The following MAP3K8 variants were observed in gnomAD, a reference collection of about 807,000 sequenced individuals.
MAP3K8 encodes the protein mitogen-activated protein kinase kinase kinase 8.
In MAP3K8, 22 loss-of-function variants were observed where a neutral mutation model predicts 45.8. The observed-to-expected ratio is 0.48, with a 90% CI of 0.34 to 0.69. The LOEUF is 0.69. Ranked by LOEUF, MAP3K8 falls within the 30% of genes least tolerant of loss-of-function variation. MAP3K8 has a pLI of 0.01. For synonymous variants in MAP3K8, 223 were observed against 214.3 expected, an observed-to-expected ratio of 1.04 and a Z score of -0.36; for missense variants, 419 against 585.0, an observed-to-expected ratio of 0.72 and a Z score of 2.93.
At chr10:30,438,734 TCTTA>T in intron 2 of MAP3K8, 178 bp from the exon 3 acceptor site, 2 of 506,866 alleles carry the variant, frequency 3.9e-6, no homozygotes, top group East Asian at 6.5e-5. Context: ...CTAAAGGTTA[TCTTA>T]GGTCCCTTTC....
At chr10:30,450,237 G>T (rs373916454) in intron 4 of MAP3K8, 21 bp from the exon 5 acceptor site, 20 of 1,559,852 alleles carry the variant, frequency 1.3e-5, no homozygotes, top group Non-Finnish European at 1.6e-5. Flanking sequence ...TTAGAATCTC[G>T]CTTGTATTTT....
At chr10:30,445,825 G>A (rs1057290185) in intron 3 of MAP3K8, among the ~76,000 whole-genome samples, 1 of 152,226 alleles carries the variant, frequency 6.6e-6, no homozygotes, top group Admixed American at 6.5e-5. Context: ...ATTAGAGTTA[G>A]TCTCTGCTTT....
intron 6 of MAP3K8, among the ~76,000 whole-genome samples, chr10:30,455,044 G>T (rs1836689662): frequency 6.6e-6 from 1 of 152,178 alleles, no homozygotes; most frequent in African/African-American, 2.4e-5. Flanking sequence ...TTCTGGGGCT[G>T]TCTAGCGGAA....
Position 30,460,764 on chromosome 10 carries a change from C to G in MAP3K8, c.1332C>G (p.Leu444=). 6.2e-7 allele frequency: 1 copy of G among 1,614,050 alleles called. No individual in the cohort carries two copies. Among genetic ancestry groups the G allele is most frequent in the Non-Finnish European group, 8.5e-7 (1 of 1,179,976 alleles). Residue 444 remains leucine (L), a synonymous_variant, in exon 9 of 9, where the codon CTC becomes CTG. Transcript: ENST00000263056. ...AGATGCTCAAGAGGCAACGCTCTCT[C>G]TACATCGACCTCGGCGCTCTGGCTG... The part of the protein sequence containing the change: ...ESEMLKRQRS[L]YIDLGALAGY...
intron 6 of MAP3K8, among the ~76,000 whole-genome samples, chr10:30,455,972 A>G (rs1325747174): frequency 6.6e-6 from 1 of 152,216 alleles, no homozygotes; most frequent in Admixed American, 6.5e-5. Flanking sequence ...GGCAGCACCC[A>G]GGCCACCAGG....
chr10:30,445,455 C>A (rs934905788), intron 3 of MAP3K8, among the ~76,000 whole-genome samples: 6 of 152,154 alleles, frequency 3.9e-5, no homozygotes, highest in Admixed American at 2.6e-4. Context: ...TGGGTTATAA[C>A]AAATTTAGGT....
At chr10:30,444,999 A>G (rs149959402) in intron 3 of MAP3K8, among the ~76,000 whole-genome samples, 1 of 152,230 alleles carries the variant, frequency 6.6e-6, no homozygotes, top group Non-Finnish European at 1.5e-5. Flanking sequence ...GACTTCGATG[A>G]GATAATGTAT....
Position 30,448,414 on chromosome 10 carries a change from T to TTTTTTATTATTATTATTATTA in MAP3K8, c.504+467_504+468insTTTATTATTATTATTATTATT, listed in dbSNP as rs34801475. On this transcript the variant is annotated intron_variant, in intron 4 of 8. Transcript: ENST00000263056. ...ATGATTGAAAAGACCCTATCCCAAA[T>TTTTTTATTATTATTATTATTA]TTATTATTATTATTATTATTATTAT... is the stretch of plus-strand genomic sequence containing the variant. Among the ~76,000 whole-genome samples the TTTTTTATTATTATTATTATTA allele has an allele frequency of 7.6e-3, 1,038 of 136,430 alleles. 6 individuals are homozygous for TTTTTTATTATTATTATTATTA. The highest frequency in any genetic ancestry group is 0.022 in the Middle Eastern group (6 of 274). 89.5% of individuals were successfully genotyped at this position (136,430 alleles called of 152,430 possible).
chr10:30,441,188 G>A (rs1043990431), intron 3 of MAP3K8, among the ~76,000 whole-genome samples: 3 of 149,194 alleles, frequency 2.0e-5, no homozygotes, highest in Non-Finnish European at 4.4e-5. Context: ...ACAGAGTCTC[G>A]CTCTGTCACC....
chr10:30,457,814 T>A (rs1836789078), intron 6 of MAP3K8, among the ~76,000 whole-genome samples: 1 of 152,028 alleles, frequency 6.6e-6, no homozygotes, highest in Admixed American at 6.6e-5. Flanking sequence ...GCCCAGCTGA[T>A]TTTTGTATTT....
chr10:30,456,485 T>C (rs529133067), intron 6 of MAP3K8, among the ~76,000 whole-genome samples: 1 of 152,068 alleles, frequency 6.6e-6, no homozygotes, highest in Non-Finnish European at 1.5e-5. Flanking sequence ...GTTTCTCTGG[T>C]TTTTGTAAGC....
intron 2 of MAP3K8, 31 bp from the exon 3 acceptor site, chr10:30,438,885 G>A (rs550846611): frequency 6.0e-5 from 73 of 1,218,812 alleles, no homozygotes; most frequent in African/African-American, 4.4e-4. Context: ...TACAAATATC[G>A]TAAACTAAAT....
rs117396201 is a variant in MAP3K8 at position 30,439,113 on chromosome 10, C to T, written c.175C>T (p.Arg59Cys). Residue 59 changes from arginine to cysteine, a missense_variant, in exon 3 of 9, where the codon CGT becomes TGT. Transcript: ENST00000263056. Reference protein sequence around the residue: ...MCQDSNQNDERSKSLLLSGQE... With the variant: ...MCQDSNQNDECSKSLLLSGQE... ...TCAAGACAGTAATCAAAACGATGAG[C>T]GTTCTAAGTCTCTGCTGCTTAGTGG... The T allele has an allele frequency of 8.0e-4, 1,299 of 1,614,200 alleles. 26 individuals are homozygous for T. In the East Asian group the frequency reaches 0.028, roughly 35 times the overall value.
intron 3 of MAP3K8, among the ~76,000 whole-genome samples, chr10:30,445,809 C>G (rs1043427620): frequency 6.6e-6 from 1 of 152,258 alleles, no homozygotes; most frequent in African/African-American, 2.4e-5. Flanking sequence ...CTTCATATTT[C>G]TAAGCATTAG....
At chr10:30,460,004 G>A (rs574124461) in intron 8 of MAP3K8, among the ~76,000 whole-genome samples, 1 of 152,114 alleles carries the variant, frequency 6.6e-6, no homozygotes, top group African/African-American at 2.4e-5. Flanking sequence ...CACCACGTCT[G>A]GCTAATTTTT....
At position 30,439,144 on chromosome 10, in the gene MAP3K8, A is replaced by G; in HGVS notation, c.206A>G (p.Glu69Gly). 1 of 1,614,238 alleles carries G rather than the reference A, an allele frequency of 6.2e-7. No homozygotes were observed. Among genetic ancestry groups the G allele is most frequent in the Non-Finnish European group, 8.5e-7 (1 of 1,180,034 alleles). ...RSKSLLLSGQEVPWLSSVRYG... is the reference protein window; with the variant it reads ...RSKSLLLSGQGVPWLSSVRYG... Reference sequence around the variant, plus strand: ...AAGTCTCTGCTGCTTAGTGGCCAAGAGGTACCATGGTTGTCATCAGTCAGA... The same window carrying G: ...AAGTCTCTGCTGCTTAGTGGCCAAGGGGTACCATGGTTGTCATCAGTCAGA... Residue 69 changes from glutamate to glycine, a missense_variant, in exon 3 of 9, where the codon GAG becomes GGG. Coordinates refer to ENST00000263056, the MANE Select transcript of MAP3K8 (RefSeq NM_005204.4).
Position 30,450,464 on chromosome 10 carries a change from T to C in MAP3K8, c.711T>C (p.Val237=). ...EFEIIWVTKH[V]LKGLDFLHSK... ...AAATTATTTGGGTGACAAAGCATGTTCTCAAGGGACTTGATTTTCTACACT... is the reference window on the plus strand; with the variant it reads ...AAATTATTTGGGTGACAAAGCATGTCCTCAAGGGACTTGATTTTCTACACT... Residue 237 remains valine (V), a synonymous_variant, in exon 5 of 9, where the codon GTT becomes GTC. Coordinates refer to ENST00000263056, the MANE Select transcript of MAP3K8 (RefSeq NM_005204.4). 6.2e-7 allele frequency: 1 copy of C among 1,614,138 alleles called. No individual in the cohort carries two copies. Among genetic ancestry groups the C allele is most frequent in the South Asian group, 1.1e-5 (1 of 91,080 alleles).
rs568190561 is a variant in MAP3K8 at position 30,451,844 on chromosome 10, A to C, written c.873+100A>C. On this transcript the variant is annotated intron_variant, in intron 6 of 8. Transcript: ENST00000263056. The stretch of plus-strand genomic sequence containing the variant: ...GGAACGAAGGACAAAGAAGGGGAAG[A>C]AACCCACTGCATTAAATCATTATTT... 3 of 598,600 alleles carry C rather than the reference A, an allele frequency of 5.0e-6. No homozygotes were observed. The African/African-American group carries it at 5.6e-5, about 11-fold the overall frequency. 37.1% of individuals were successfully genotyped at this position (598,600 alleles called of 1,614,324 possible).
chr10:30,438,560 T>G (rs964141432), intron 2 of MAP3K8, among the ~76,000 whole-genome samples: 1 of 152,228 alleles, frequency 6.6e-6, no homozygotes, highest in Non-Finnish European at 1.5e-5. Context: ...TTGGAAGCCC[T>G]AAAGAGCCGG....
Sources: allele counts gnomAD v4.1 joint callset (sites outside exome capture counted in the v4.1 genomes callset), GRCh38; gene constraint gnomAD v4.1.1; transcripts MANE v1.5; gene names NCBI Gene and HGNC (gene_info 2026-07-23, HGNC 2026-07-21).